The following USH2A variants were observed in gnomAD, a reference collection of about 807,000 sequenced individuals.
The protein encoded by USH2A is Usher syndrome 2A (autosomal recessive, mild).
In USH2A, 443 loss-of-function variants were observed where a neutral mutation model predicts 538.9. The ratio of observed to expected loss-of-function variants is 0.82; its 90% CI spans 0.76 to 0.89. USH2A has a LOEUF of 0.89. Among genes scored for constraint, USH2A ranks in the 40% least tolerant of loss-of-function variants. The pLI, the probability that USH2A is intolerant of heterozygous loss-of-function variation, is 0.00. For missense variants in USH2A, 6,633 were observed against 6,324.8 expected, an observed-to-expected ratio of 1.05 and a Z score of -1.65; for synonymous variants, 2,413 against 2,273.5, an observed-to-expected ratio of 1.06 and a Z score of -1.75.
At chr1:215,781,625 G>A (rs1298222048) in intron 54 of USH2A, among the ~76,000 whole-genome samples, 2 of 152,076 alleles carry the variant, frequency 1.3e-5, no homozygotes, top group African/African-American at 2.4e-5. Context: ...TTTGTTTTCC[G>A]TGCCAGGCTT....
intron 71 of USH2A, among the ~76,000 whole-genome samples, chr1:215,627,109 A>G (rs1338036256): frequency 6.6e-6 from 1 of 152,128 alleles, no homozygotes; most frequent in Non-Finnish European, 1.5e-5. Context: ...AGGATGGTAC[A>G]TTTTTTTATA....
chr1:216,345,494 A>G (rs2038157418), intron 4 of USH2A, among the ~76,000 whole-genome samples: 2 of 152,154 alleles, frequency 1.3e-5, no homozygotes, highest in South Asian at 4.1e-4. Flanking sequence ...GCAAAAGGGT[A>G]AGAATTTCTT....
intron 21 of USH2A, among the ~76,000 whole-genome samples, chr1:216,110,748 G>C (rs2032847613): frequency 6.6e-6 from 1 of 152,194 alleles, no homozygotes; most frequent in African/African-American, 2.4e-5. Context: ...CACAGAAGCT[G>C]TGATGGTTAA....
Position 216,190,366 on chromosome 1 carries a change from A to T in USH2A, c.4253T>A (p.Leu1418Gln). 1 of 1,611,432 alleles carries T rather than the reference A, an allele frequency of 6.2e-7. No homozygotes were observed. Among genetic ancestry groups the T allele is most frequent in the Non-Finnish European group, 8.5e-7 (1 of 1,178,690 alleles). The change falls in exon 20 of 72, where the codon CTG becomes CAG. Residue 1418 changes from leucine (L) to glutamine (Q), a missense_variant and splice_region_variant. Leu to Gln is a moderately radical substitution (Grantham distance 113). Coordinates refer to ENST00000307340, the MANE Select transcript of USH2A (RefSeq NM_206933.4). ...TTCTTGGGATTTAGCAGTGTGCAAC[A>T]GCTTCAAGGCAAAAAAGAAAGAAAG... is the stretch of plus-strand genomic sequence containing the variant. ...QQSIPMAFSQ[L>Q]LHTAKSQELS...
intron 11 of USH2A, among the ~76,000 whole-genome samples, chr1:216,274,036 T>A (rs1448664541): frequency 6.6e-6 from 1 of 152,112 alleles, no homozygotes; most frequent in African/African-American, 2.4e-5. Flanking sequence ...GGAATCTTCA[T>A]TTTTAAAAAG....
chr1:215,653,088 T>G (rs1182208361), intron 64 of USH2A, among the ~76,000 whole-genome samples: 2 of 152,196 alleles, frequency 1.3e-5, no homozygotes, highest in African/African-American at 4.8e-5. Context: ...AACATTAACT[T>G]TTCTTTCATT....
At chr1:215,873,638 T>A (rs1338687532) in intron 43 of USH2A, among the ~76,000 whole-genome samples, 1 of 152,144 alleles carries the variant, frequency 6.6e-6, no homozygotes, top group Admixed American at 6.5e-5. Context: ...GATTTAAACT[T>A]AGAATTTATG....
At chr1:215,786,083 G>T (rs1288530761) in intron 52 of USH2A, among the ~76,000 whole-genome samples, 1 of 152,142 alleles carries the variant, frequency 6.6e-6, no homozygotes, top group African/African-American at 2.4e-5. Flanking sequence ...AAACTTAACA[G>T]TGTTTCTCAC....
intron 3 of USH2A, among the ~76,000 whole-genome samples, chr1:216,392,036 T>C (rs1463277991): frequency 2.0e-5 from 3 of 152,162 alleles, no homozygotes; most frequent in African/African-American, 2.4e-5. Context: ...CTGGACTCAG[T>C]AAAGAGCCAA....
chr1:215,766,618 G>A (rs578164306), intron 56 of USH2A, 63 bp downstream of exon 56: 1 of 1,441,340 alleles, frequency 6.9e-7, no homozygotes, highest in Admixed American at 1.7e-5. Context: ...GGAGTTTACA[G>A]ATTCCACCTC....
chr1:216,295,626 G>A (rs2037089357), intron 9 of USH2A, among the ~76,000 whole-genome samples: 1 of 151,778 alleles, frequency 6.6e-6, no homozygotes, highest in Admixed American at 6.6e-5. Flanking sequence ...TAAATACCAG[G>A]ATTTCTGAAA....
intron 20 of USH2A, among the ~76,000 whole-genome samples, chr1:216,182,165 T>A (rs2034507191): frequency 6.6e-6 from 1 of 152,122 alleles, no homozygotes; most frequent in African/African-American, 2.4e-5. Context: ...CAGTTTGTAT[T>A]TTCCTAAAGA....
intron 61 of USH2A, among the ~76,000 whole-genome samples, chr1:215,711,925 T>G (rs1383859818): frequency 2.3e-4 from 35 of 152,348 alleles, no homozygotes; most frequent in Non-Finnish European, 1.0e-4. Flanking sequence ...TTCTAACAGA[T>G]GCGATCACCC....
chr1:216,057,237 C>T (rs1367556825), intron 30 of USH2A, among the ~76,000 whole-genome samples: 1 of 152,138 alleles, frequency 6.6e-6, no homozygotes, highest in East Asian at 1.9e-4. Flanking sequence ...ATTAACTCAT[C>T]AACACTGCAT....
intron 62 of USH2A, among the ~76,000 whole-genome samples, chr1:215,679,891 G>T (rs1259514605): frequency 6.6e-6 from 1 of 152,180 alleles, no homozygotes; most frequent in East Asian, 1.9e-4. Flanking sequence ...AGGTTTGGTG[G>T]TACCCACCTA....
intron 48 of USH2A, among the ~76,000 whole-genome samples, chr1:215,814,321 AATAG>A (rs1430273797): frequency 6.8e-6 from 1 of 147,690 alleles, no homozygotes; most frequent in African/African-American, 2.4e-5. Flanking sequence ...TTATAATAAA[AATAG>A]ATATATTTAA....
At chr1:215,656,731 C>T (rs946235641) in intron 64 of USH2A, among the ~76,000 whole-genome samples, 4 of 152,276 alleles carry the variant, frequency 2.6e-5, no homozygotes, top group African/African-American at 9.6e-5. Flanking sequence ...AACTCTGTAA[C>T]ATACTTCCTT....
In USH2A at chr1:216,084,824, T is replaced by C. The variant is rs746010533; in HGVS notation, c.5041A>G (p.Asn1681Asp). The C allele has an allele frequency of 8.1e-6, 13 of 1,613,450 alleles. No individual in the cohort carries two copies. The highest frequency in any genetic ancestry group is 1.1e-5 in the Non-Finnish European group (13 of 1,179,678). The part of the protein sequence containing the change: ...GCLKDVHFMK[N>D]YNPSAIWEPL... ...TCCCAAATAGCTGACGGATTGTAATTCTTCATAAAATGTACATCCTTGAGA... is the reference window on the plus strand; with the variant it reads ...TCCCAAATAGCTGACGGATTGTAATCCTTCATAAAATGTACATCCTTGAGA... The change falls in exon 25 of 72, where the codon AAT becomes GAT. Residue 1681 changes from asparagine to aspartate, a missense_variant. Asn to Asp is a conservative substitution (Grantham distance 23). Transcript: ENST00000307340.
intron 38 of USH2A, among the ~76,000 whole-genome samples, chr1:215,923,249 CAACAAACA>C (rs555793438): frequency 6.6e-6 from 1 of 151,844 alleles, no homozygotes; most frequent in Non-Finnish European, 1.5e-5. Context: ...TTCCTGTAAT[CAACAAACA>C]AACAAACAAA....
Sources: allele counts gnomAD v4.1 joint callset (sites outside exome capture counted in the v4.1 genomes callset), GRCh38; gene constraint gnomAD v4.1.1; transcripts MANE v1.5; gene names NCBI Gene and HGNC (gene_info 2026-07-23, HGNC 2026-07-21).